Variants in LRRC4C observed in about 807,000 individuals in gnomAD.
The protein encoded by LRRC4C is leucine-rich repeat-containing protein 4C.
In LRRC4C, 5 loss-of-function variants were observed where a neutral mutation model predicts 33.6. The observed-to-expected ratio is 0.15, with a 90% CI of 0.08 to 0.31. The LOEUF (loss-of-function observed/expected upper bound fraction) is 0.31. Among genes scored for constraint, LRRC4C ranks in the 10% least tolerant of loss-of-function variants. LRRC4C has a pLI of 1.00. For missense variants in LRRC4C, 560 were observed against 796.7 expected (o/e 0.70, Z 3.58); for synonymous variants, 329 against 302.0 (o/e 1.09, Z -0.93).
At chr11:40,211,461 T>C (rs900260743) in intron 5 of LRRC4C, among the ~76,000 whole-genome samples, 1 of 152,166 alleles carries the variant, frequency 6.6e-6, no homozygotes, top group African/African-American at 2.4e-5. Flanking sequence ...ACTTCAAGAC[T>C]GAGAAAATGC....
intron 5 of LRRC4C, among the ~76,000 whole-genome samples, chr11:40,240,962 C>T (rs1231052817): frequency 6.6e-6 from 1 of 152,184 alleles, no homozygotes; most frequent in African/African-American, 2.4e-5. Flanking sequence ...AATATCTCTA[C>T]ACAATGCAAA....
At chr11:40,185,441 C>T (rs1470861984) in intron 5 of LRRC4C, among the ~76,000 whole-genome samples, 1 of 152,102 alleles carries the variant, frequency 6.6e-6, no homozygotes, top group East Asian at 1.9e-4. Flanking sequence ...CATACAGGGA[C>T]TGACGCTGCA....
intron 3 of LRRC4C, among the ~76,000 whole-genome samples, chr11:40,425,436 T>C (rs1048329109): frequency 3.9e-5 from 6 of 152,194 alleles, no homozygotes; most frequent in South Asian, 2.1e-4. Context: ...GTCCTTGCTG[T>C]TAGCCTTACA....
At chr11:41,126,627 A>G (rs1942755393) in intron 1 of LRRC4C, among the ~76,000 whole-genome samples, 1 of 151,992 alleles carries the variant, frequency 6.6e-6, no homozygotes, top group Non-Finnish European at 1.5e-5. Context: ...AGCCCTTCCA[A>G]CACTGATTCT....
At chr11:40,528,463 T>A (rs1008311555) in intron 3 of LRRC4C, among the ~76,000 whole-genome samples, 2 of 151,808 alleles carry the variant, frequency 1.3e-5, no homozygotes, top group African/African-American at 4.8e-5. Flanking sequence ...CTCACAGCTA[T>A]TACGATGTCT....
intron 3 of LRRC4C, among the ~76,000 whole-genome samples, chr11:40,605,090 C>T (rs1960431771): frequency 6.6e-6 from 1 of 152,030 alleles, no homozygotes; most frequent in African/African-American, 2.4e-5. Context: ...ATGAAAATAG[C>T]TGGAACTGCT....
chr11:40,225,710 G>C (rs954875325), intron 5 of LRRC4C, among the ~76,000 whole-genome samples: 14 of 150,426 alleles, frequency 9.3e-5, no homozygotes, highest in Non-Finnish European at 1.5e-4. Context: ...TCCGCCTCCC[G>C]GGTTCAAGCA....
chr11:40,585,440 A>G (rs906043306), intron 3 of LRRC4C, among the ~76,000 whole-genome samples: 1 of 151,884 alleles, frequency 6.6e-6, no homozygotes, highest in Non-Finnish European at 1.5e-5. Flanking sequence ...AAAAAAAGAC[A>G]TTGAGTGTGT....
intron 1 of LRRC4C, among the ~76,000 whole-genome samples, chr11:40,983,012 T>A (rs1276353729): frequency 6.6e-6 from 1 of 152,206 alleles, no homozygotes; most frequent in East Asian, 1.9e-4. Flanking sequence ...CTTGTTCTTT[T>A]TTATGACTGC....
At chr11:40,248,397 A>T (rs1047328544) in intron 4 of LRRC4C, among the ~76,000 whole-genome samples, 1 of 152,124 alleles carries the variant, frequency 6.6e-6, no homozygotes, top group Non-Finnish European at 1.5e-5. Flanking sequence ...TGTGTGTTGT[A>T]GAATGTTTGG....
In LRRC4C at chr11:40,790,918, T is replaced by G. The variant is rs574640044; in HGVS notation, c.-406-142640A>C. Among the ~76,000 whole-genome samples the G allele has an allele frequency of 6.6e-5, 10 of 152,342 alleles. No individual in the cohort carries two copies. In the East Asian group the frequency reaches 1.9e-3, roughly 29 times the overall value. On this transcript the variant is annotated intron_variant, in intron 2 of 6. Transcript: ENST00000528697. ...ATAGCTCCAAGGAGTCTAATAGGAC[T>G]GTGCCACAATGCTTCCATTGATACT...
At chr11:40,270,579 A>T (rs1942618257) in intron 4 of LRRC4C, among the ~76,000 whole-genome samples, 1 of 151,426 alleles carries the variant, frequency 6.6e-6, no homozygotes, top group African/African-American at 2.4e-5. Context: ...TGCCCATAAC[A>T]CTCTCTTCTT....
Position 41,179,612 on chromosome 11 carries a change from G to T in LRRC4C, c.-495-245889C>A, listed in dbSNP as rs1208024974. Among the ~76,000 whole-genome samples the T allele has an allele frequency of 3.3e-5, 5 of 152,012 alleles. 1 individual carries two copies. In the East Asian group the frequency reaches 9.6e-4, roughly 29 times the overall value. On this transcript the variant is annotated intron_variant, in intron 1 of 6. Transcript: ENST00000528697. ...CAAAATCTGACAGACTTAGTCTTTG[G>T]TTCACTTAACATTGTTTTCGGCAAC...
At chr11:41,351,685 A>G (rs900130668) in intron 1 of LRRC4C, among the ~76,000 whole-genome samples, 1 of 152,256 alleles carries the variant, frequency 6.6e-6, no homozygotes, top group Non-Finnish European at 1.5e-5. Context: ...TTGGGGGCCT[A>G]TATTCAGCAA....
At chr11:40,247,237 T>C (rs1330553306) in intron 4 of LRRC4C, among the ~76,000 whole-genome samples, 1 of 152,198 alleles carries the variant, frequency 6.6e-6, no homozygotes, top group African/African-American at 2.4e-5. Context: ...TTTCATTTTG[T>C]TAATTGAATG....
intron 3 of LRRC4C, among the ~76,000 whole-genome samples, chr11:40,552,660 G>T (rs1399663506): frequency 6.6e-6 from 1 of 152,118 alleles, no homozygotes; most frequent in Non-Finnish European, 1.5e-5. Context: ...AGAATATCCT[G>T]CTTGGTAAAA....
intron 5 of LRRC4C, among the ~76,000 whole-genome samples, chr11:40,162,639 C>T (rs185521687): frequency 6.0e-4 from 92 of 152,268 alleles, no homozygotes; most frequent in African/African-American, 2.1e-3. Context: ...CAGTGTTCAT[C>T]CGCTTGTTTC....
chr11:40,824,865 T>A lies in LRRC4C; in HGVS notation c.-407+108770A>T, dbSNP rs187656491. ...CAGAGAGAACAAGTAAAGATAATTA[T>A]GCCTTTTTACAATATACGTACTAAT... On this transcript the variant is annotated intron_variant, in intron 2 of 6. Coordinates refer to ENST00000528697, the MANE Select transcript of LRRC4C (RefSeq NM_001258419.2). Among the ~76,000 whole-genome samples, 657 of 152,110 alleles carry A rather than the reference T, an allele frequency of 4.3e-3. 3 individuals are homozygous for A. The highest frequency in any genetic ancestry group is 0.015 in the African/African-American group (603 of 41,528).
intron 2 of LRRC4C, among the ~76,000 whole-genome samples, chr11:40,855,153 G>A (rs2135780867): frequency 6.6e-6 from 1 of 152,244 alleles, no homozygotes; most frequent in African/African-American, 2.4e-5. Flanking sequence ...TATGAAAGGA[G>A]ATACTTCTTT....
Sources: allele counts gnomAD v4.1 joint callset (sites outside exome capture counted in the v4.1 genomes callset), GRCh38; gene constraint gnomAD v4.1.1; transcripts MANE v1.5; gene names NCBI Gene and HGNC (gene_info 2026-07-23, HGNC 2026-07-21).